Variants in YTHDC1 observed in about 807,000 individuals in gnomAD.
The protein encoded by YTHDC1 is YTH domain-containing protein 1.
In YTHDC1, 12 loss-of-function variants were observed where a neutral mutation model predicts 107.0. The observed-to-expected ratio is 0.11, with a 90% CI of 0.07 to 0.18. The LOEUF is 0.18. Ranked by LOEUF, YTHDC1 falls within the 10% of genes least tolerant of loss-of-function variation. YTHDC1 has a pLI of 1.00. For synonymous variants in YTHDC1, 280 were observed against 289.5 expected, an observed-to-expected ratio of 0.97 and a Z score of 0.33; for missense variants, 635 against 898.8, an observed-to-expected ratio of 0.71 and a Z score of 3.75.
chr4:68,315,243 G>A (rs955914581), intron 16 of YTHDC1, among the ~76,000 whole-genome samples: 2 of 152,048 alleles, frequency 1.3e-5, no homozygotes, highest in Non-Finnish European at 2.9e-5. Context: ...TAAAGTTTGT[G>A]AATTAGTTAA....
chr4:68,343,672 G>T (rs1560504711), intron 1 of YTHDC1, among the ~76,000 whole-genome samples: 2 of 151,784 alleles, frequency 1.3e-5, no homozygotes, highest in Admixed American at 6.6e-5. Flanking sequence ...AAGTAGCTGG[G>T]ATTACAGGCA....
chr4:68,336,929 T>A, intron 4 of YTHDC1, 98 bp downstream of exon 4: 1 of 1,428,210 alleles, frequency 7.0e-7, no homozygotes, highest in Non-Finnish European at 9.3e-7. Context: ...CCTATTAATA[T>A]CCCCCATCTC....
intron 9 of YTHDC1, among the ~76,000 whole-genome samples, chr4:68,329,279 C>T (rs1215787345): frequency 2.0e-5 from 3 of 152,144 alleles, no homozygotes; most frequent in Non-Finnish European, 4.4e-5. Flanking sequence ...TGTTTCCATG[C>T]TCTTCTTGGC....
intron 4 of YTHDC1, among the ~76,000 whole-genome samples, chr4:68,336,591 G>C (rs1252675377): frequency 2.6e-5 from 4 of 152,162 alleles, no homozygotes; most frequent in African/African-American, 9.7e-5. Flanking sequence ...AGATAAAAAA[G>C]AAATAATCTG....
chr4:68,327,934 G>A (rs771021281), intron 9 of YTHDC1, among the ~76,000 whole-genome samples: 2 of 151,972 alleles, frequency 1.3e-5, no homozygotes, highest in African/African-American at 2.4e-5. Flanking sequence ...ACTATTTCTA[G>A]GTAAACCCAT....
chr4:68,326,182 G>A (rs1035417432), intron 9 of YTHDC1, among the ~76,000 whole-genome samples: 4 of 151,948 alleles, frequency 2.6e-5, no homozygotes, highest in African/African-American at 7.3e-5. Context: ...AAATACCCAC[G>A]ATCCAAGTAG....
chr4:68,315,691 TAG>T (rs1459940879), intron 16 of YTHDC1, among the ~76,000 whole-genome samples: 2 of 152,088 alleles, frequency 1.3e-5, no homozygotes, highest in South Asian at 2.1e-4. Flanking sequence ...AAACTAAAAC[TAG>T]AGTCTTTTTT....
chr4:68,338,194 C>G (rs974895616), intron 2 of YTHDC1, 89 bp downstream of exon 2: 1 of 1,355,242 alleles, frequency 7.4e-7, no homozygotes, highest in South Asian at 1.4e-5. Flanking sequence ...AAGGAACAAG[C>G]ACAAAAAAGC....
Position 68,314,095 on chromosome 4 carries a change from C to T in YTHDC1, c.*4G>A. ...TTTAAACAATCAGTGCTTCCAAAAG[C>T]CCATTATCTTCTATATCGACCTCTC... On this transcript the variant is annotated 3_prime_UTR_variant, in exon 17 of 17. Coordinates refer to ENST00000344157, the MANE Select transcript of YTHDC1 (RefSeq NM_001031732.4). The T allele has an allele frequency of 6.2e-7, 1 of 1,613,440 alleles. No homozygotes were observed. Among genetic ancestry groups the T allele is most frequent in the Non-Finnish European group, 8.5e-7 (1 of 1,179,716 alleles).
Position 68,316,450 on chromosome 4 carries a change from T to TAAA in YTHDC1, c.1825-5_1825-3dup. 1 of 1,610,540 alleles carries TAAA rather than the reference T, an allele frequency of 6.2e-7. No homozygotes were observed. On this transcript the variant is annotated splice_region_variant and splice_polypyrimidine_tract_variant and intron_variant, in intron 15 of 16. Coordinates refer to ENST00000344157, the MANE Select transcript of YTHDC1 (RefSeq NM_001031732.4). ...TTGTTCCATTCCTGGGTAAGGGGGC[T>TAAA]AAAAAAGGAAAACCATTTACATTAA...
rs1357280389 is a variant in YTHDC1, at chr4:68,313,480, T to C, written c.*619A>G. The C allele has an allele frequency of 6.5e-6, 1 of 152,950 alleles. No individual in the cohort carries two copies. The highest frequency in any genetic ancestry group is 2.4e-5 in the African/African-American group (1 of 41,416). The allele number at this position is 152,950 out of a possible 1,614,324, so 9.5% of individuals were successfully genotyped here. ...ATAGCATCAACCACGCTACTGAACA[T>C]AGGAATTTTTCATTTAAAAAGATTA... On this transcript the variant is annotated 3_prime_UTR_variant, in exon 17 of 17. Coordinates refer to ENST00000344157, the MANE Select transcript of YTHDC1 (RefSeq NM_001031732.4).
At chr4:68,325,667 GCCA>G (rs1476572193) in intron 9 of YTHDC1, among the ~76,000 whole-genome samples, 1 of 152,128 alleles carries the variant, frequency 6.6e-6, no homozygotes, top group Non-Finnish European at 1.5e-5. Flanking sequence ...ACAGCTGTGA[GCCA>G]CCACACCTGG....
At chr4:68,347,037 T>C (rs1011134250) in intron 1 of YTHDC1, among the ~76,000 whole-genome samples, 2 of 152,296 alleles carry the variant, frequency 1.3e-5, no homozygotes, top group East Asian at 1.9e-4. Context: ...ACATGTCATT[T>C]AACCAGTCAG....
Position 68,337,944 on chromosome 4 carries a change from T to C in YTHDC1, c.131-44A>G, listed in dbSNP as rs1165210933. 4.0e-5 allele frequency: 63 copies of C among 1,560,072 alleles called. No individual in the cohort carries two copies. The East Asian group carries it at 1.4e-3, about 36-fold the overall frequency. ...AAAAAAAAAAAAGAAGTATTTGTAGTATTCCATTTATTTCACCAAAGACTG... is the reference window on the plus strand; with the variant it reads ...AAAAAAAAAAAAGAAGTATTTGTAGCATTCCATTTATTTCACCAAAGACTG... On this transcript the variant is annotated intron_variant, in intron 2 of 16. Transcript: ENST00000344157.
intron 12 of YTHDC1, among the ~76,000 whole-genome samples, chr4:68,319,109 C>T (rs114423495): frequency 9.2e-5 from 14 of 152,268 alleles, no homozygotes; most frequent in African/African-American, 2.9e-4. Context: ...TCTATGTTCA[C>T]ACTCCAAATC....
intron 1 of YTHDC1, among the ~76,000 whole-genome samples, chr4:68,343,871 T>G (rs1272722209): frequency 6.6e-6 from 1 of 152,148 alleles, no homozygotes; most frequent in Non-Finnish European, 1.5e-5. Context: ...AATGAAACAA[T>G]CCTACATTAA....
At position 68,337,240 on chromosome 4, in the gene YTHDC1, C is replaced by G; in HGVS notation, c.670G>C (p.Glu224Gln). Residue 224 changes from glutamate to glutamine, a missense_variant, in exon 4 of 17, where the codon GAG (glutamate) becomes CAG (glutamine). Physicochemically the swap from Glu to Gln is conservative, Grantham distance 29. Coordinates refer to ENST00000344157, the MANE Select transcript of YTHDC1 (RefSeq NM_001031732.4). ...TCCTCCTCTCCATCTTCATCCACCT[C>G]TTCATCTTCTTCTGCATCTTCTTCT... Reference protein sequence around the residue: ...EVEEDAEEDEEVDEDGEEEEE... With the variant: ...EVEEDAEEDEQVDEDGEEEEE... The G allele has an allele frequency of 6.2e-7, 1 of 1,605,576 alleles. No homozygotes were observed. Among genetic ancestry groups the G allele is most frequent in the Non-Finnish European group, 8.5e-7 (1 of 1,173,534 alleles).
intron 4 of YTHDC1, 107 bp downstream of exon 4, chr4:68,336,920 C>G: frequency 7.2e-7 from 1 of 1,385,476 alleles, no homozygotes; most frequent in South Asian, 1.5e-5. Flanking sequence ...CAAGACAATC[C>G]TATTAATATC....
chr4:68,318,938 C>T, intron 12 of YTHDC1, 76 bp from the exon 13 acceptor site: 1 of 1,445,080 alleles, frequency 6.9e-7, no homozygotes, highest in Non-Finnish European at 9.7e-7. Context: ...ACCTTCCTTA[C>T]CACTCGTTTC....
Sources: gnomAD v4.1 joint callset for allele counts (sites outside exome capture counted in the v4.1 genomes callset) on GRCh38, gnomAD v4.1.1 for gene constraint, MANE v1.5 for transcripts, NCBI Gene and HGNC (gene_info 2026-07-23, HGNC 2026-07-21) for gene names.